Variants in LONRF2 observed in about 807,000 individuals in gnomAD.
The protein encoded by LONRF2 is LON peptidase N-terminal domain and RING finger protein 2.
LONRF2 carries 35 observed loss-of-function variants against 66.6 expected under a neutral mutation model. The observed-to-expected ratio is 0.53, with a 90% CI of 0.40 to 0.70. The LOEUF (loss-of-function observed/expected upper bound fraction) is 0.70, where lower values mean the gene tolerates loss of function less well. Ranked by LOEUF, LONRF2 falls within the 30% of genes least tolerant of loss-of-function variation. LONRF2 has a pLI of 0.00. For missense variants in LONRF2, 902 were observed against 1,002.1 expected, an observed-to-expected ratio of 0.90 and a Z score of 1.35; for synonymous variants, 417 against 418.1, an observed-to-expected ratio of 1.00 and a Z score of 0.03.
chr2:100,313,162 G>A (rs955753081), intron 1 of LONRF2, among the ~76,000 whole-genome samples: 3 of 152,166 alleles, frequency 2.0e-5, no homozygotes, highest in African/African-American at 7.2e-5. Flanking sequence ...TATCAAATGT[G>A]TGCAGTGGTG....
chr2:100,307,082 A>G (rs2105730988), intron 2 of LONRF2, among the ~76,000 whole-genome samples: 1 of 151,830 alleles, frequency 6.6e-6, no homozygotes, highest in South Asian at 2.1e-4. Context: ...CACCATGCCC[A>G]GCTAATTTTT....
At chr2:100,299,638 T>G (rs1675137765) in intron 5 of LONRF2, 79 bp downstream of exon 5, 1 of 1,159,082 alleles carries the variant, frequency 8.6e-7, no homozygotes, top group African/African-American at 1.6e-5. Context: ...TTGTAAAAAT[T>G]TAAAAAATAT....
chr2:100,318,903 G>A (rs373056479), intron 1 of LONRF2, among the ~76,000 whole-genome samples: 464 of 151,260 alleles, frequency 3.1e-3, no homozygotes, highest in African/African-American at 0.01. Flanking sequence ...AGGCTGAGGC[G>A]GGCGGATCAC....
At chr2:100,297,865 T>C (rs186352752) in intron 7 of LONRF2, among the ~76,000 whole-genome samples, 32 of 152,388 alleles carry the variant, frequency 2.1e-4, no homozygotes, top group Non-Finnish European at 2.9e-5. Flanking sequence ...TTGTAACTAG[T>C]TATTTTAATG....
In LONRF2 at chr2:100,284,319, A is replaced by G. The variant is rs138070443; in HGVS notation, c.2244T>C (p.Asn748=). ...AAAATCAATTATTTCTCTCCCTGGC[A>G]TTAGCCAGCTCTTGCCGACTATTCA... is the stretch of plus-strand genomic sequence containing the variant. ...RKMNSRQELA[N]ARERNN is the part of the protein sequence containing the mutation. The change falls in exon 12 of 12, where the codon AAT becomes AAC. Residue 748 remains asparagine (N), a synonymous_variant. Coordinates refer to ENST00000393437, the MANE Select transcript of LONRF2 (RefSeq NM_198461.4). 1.0e-4 allele frequency: 158 copies of G among 1,558,518 alleles called. No homozygotes were observed. Among genetic ancestry groups the G allele is most frequent in the Non-Finnish European group, 1.3e-4 (146 of 1,148,854 alleles).
chr2:100,321,109 C>T (rs1342901182), intron 1 of LONRF2, among the ~76,000 whole-genome samples: 2 of 152,166 alleles, frequency 1.3e-5, no homozygotes, highest in East Asian at 1.9e-4. Context: ...TCATCCTCCC[C>T]GCTCCTCAAC....
At position 100,284,510 on chromosome 2, in the gene LONRF2, G is replaced by A; in HGVS notation, c.2071-18C>T. The stretch of plus-strand genomic sequence containing the variant: ...GGATTACTCTGCAAAAGAGATGAGG[G>A]GAAAGCAAGGTTAACACTGGAAATG... On this transcript the variant is annotated intron_variant, in intron 11 of 11. Coordinates refer to ENST00000393437, the MANE Select transcript of LONRF2 (RefSeq NM_198461.4). The A allele has an allele frequency of 6.6e-7, 1 of 1,525,536 alleles. No individual in the cohort carries two copies. Among genetic ancestry groups the A allele is most frequent in the Non-Finnish European group, 8.8e-7 (1 of 1,134,970 alleles). The allele number at this position is 1,525,536 out of a possible 1,614,324, so 94.5% of individuals were successfully genotyped here. A position where few individuals can be genotyped will look rare whatever the true frequency, so the allele number is the denominator to read the frequency against.
At chr2:100,299,080 A>T in intron 6 of LONRF2, 130 bp from the exon 7 acceptor site, 1 of 869,894 alleles carries the variant, frequency 1.1e-6, no homozygotes, top group South Asian at 1.7e-5. Context: ...CTTTCATTTT[A>T]TATCTTATTA....
intron 11 of LONRF2, 83 bp from the exon 12 acceptor site, chr2:100,284,575 G>T (rs1559174271): frequency 8.5e-7 from 1 of 1,170,940 alleles, no homozygotes; most frequent in East Asian, 2.9e-5. Flanking sequence ...TCCACCAACA[G>T]ACACGTGAGC....
In LONRF2 at chr2:100,283,480, A is replaced by C. The variant is rs1218515872; in HGVS notation, c.*818T>G. 1 of 152,184 alleles carries C rather than the reference A, an allele frequency of 6.6e-6. No individual in the cohort carries two copies. The highest frequency in any genetic ancestry group is 1.9e-4 in the East Asian group (1 of 5,198). The allele number at this position is 152,184 out of a possible 1,614,324, so 9.4% of individuals were successfully genotyped here. On this transcript the variant is annotated 3_prime_UTR_variant, in exon 12 of 12. Coordinates refer to ENST00000393437, the MANE Select transcript of LONRF2 (RefSeq NM_198461.4). Reference sequence around the variant, plus strand: ...AATGCTTAGTAACCACTGATCAATGAGACAAGGTTCTACTTTCAAAGCATT... The same window carrying C: ...AATGCTTAGTAACCACTGATCAATGCGACAAGGTTCTACTTTCAAAGCATT...
Position 100,294,320 on chromosome 2 carries a change from C to T in LONRF2, c.1666G>A (p.Val556Ile), listed in dbSNP as rs776735398. ...ATAAGCCGATAGCGGGGCTCAAAAACGTGGAGTGGACATGGGACCGTGGGG... is the reference window on the plus strand; with the variant it reads ...ATAAGCCGATAGCGGGGCTCAAAAATGTGGAGTGGACATGGGACCGTGGGG... ...AFPTVPCPLH[V>I]FEPRYRLMIR... The change falls in exon 9 of 12, where the codon GTT becomes ATT. Residue 556 changes from valine to isoleucine, a missense_variant. Coordinates refer to ENST00000393437, the MANE Select transcript of LONRF2 (RefSeq NM_198461.4). The T allele has an allele frequency of 1.6e-5, 26 of 1,609,464 alleles. No individual in the cohort carries two copies. Among genetic ancestry groups the T allele is most frequent in the East Asian group, 2.2e-5 (1 of 44,646 alleles).
At position 100,273,685 on chromosome 2, in the gene LONRF2, A is replaced by G. The variant is rs1394383224; in HGVS notation, c.*10613T>C. Reference sequence around the variant, plus strand: ...CACAGGATATGACAACACATCACCTATCTCCAAACAAGAAAAAGCATGATT... The same window carrying G: ...CACAGGATATGACAACACATCACCTGTCTCCAAACAAGAAAAAGCATGATT... On this transcript the variant is annotated 3_prime_UTR_variant, in exon 12 of 12. Transcript: ENST00000393437. 1 of 152,258 alleles carries G rather than the reference A, an allele frequency of 6.6e-6. No individual in the cohort carries two copies. Among genetic ancestry groups the G allele is most frequent in the Non-Finnish European group, 1.5e-5 (1 of 68,044 alleles). The allele number at this position is 152,258 out of a possible 1,614,324, so 9.4% of individuals were successfully genotyped here. A position where few individuals can be genotyped will look rare whatever the true frequency, so the allele number is the denominator to read the frequency against.
rs1175377574 is a variant in LONRF2, at chr2:100,272,713, T to C, written c.*11585A>G. On this transcript the variant is annotated 3_prime_UTR_variant, in exon 12 of 12. Coordinates refer to ENST00000393437, the MANE Select transcript of LONRF2 (RefSeq NM_198461.4). ...ATATATGCTTTCATAGTTAACTCAGTATTTGCAATTCATATTCCTTTTCTT... is the reference window on the plus strand; with the variant it reads ...ATATATGCTTTCATAGTTAACTCAGCATTTGCAATTCATATTCCTTTTCTT... Among the ~76,000 whole-genome samples the C allele has an allele frequency of 2.0e-5, 3 of 152,356 alleles. No homozygotes were observed. The highest frequency in any genetic ancestry group is 7.2e-5 in the African/African-American group (3 of 41,580).
intron 2 of LONRF2, among the ~76,000 whole-genome samples, chr2:100,304,625 GTTT>G (rs3039612): frequency 8.2e-6 from 1 of 122,010 alleles, no homozygotes. Context: ...TTAGTTGACT[GTTT>G]TTTTTTTTTT....
At chr2:100,316,839 T>C (rs1449874490) in intron 1 of LONRF2, among the ~76,000 whole-genome samples, 1 of 152,242 alleles carries the variant, frequency 6.6e-6, no homozygotes, top group Non-Finnish European at 1.5e-5. Context: ...GTTCTCTCCA[T>C]ATGTGTGTGT....
In LONRF2 at chr2:100,306,236, T is replaced by C. The variant is rs182141613; in HGVS notation, c.798+2871A>G. Among the ~76,000 whole-genome samples, 330 of 152,252 alleles carry C rather than the reference T, an allele frequency of 2.2e-3. 1 individual carries two copies. The highest frequency in any genetic ancestry group is 3.3e-3 in the Non-Finnish European group (227 of 68,008). On this transcript the variant is annotated intron_variant, in intron 2 of 11. Transcript: ENST00000393437. Reference sequence around the variant, plus strand: ...GTCAGGAAAAGTACAAAATTAAGAATACAAAGTTGCTAGGGCCCCTTTCAG... The same window carrying C: ...GTCAGGAAAAGTACAAAATTAAGAACACAAAGTTGCTAGGGCCCCTTTCAG...
intron 2 of LONRF2, among the ~76,000 whole-genome samples, chr2:100,308,134 C>T (rs1386388413): frequency 6.6e-6 from 1 of 152,122 alleles, no homozygotes; most frequent in Non-Finnish European, 1.5e-5. Context: ...CTTTGGGAGG[C>T]TGAGGCAGGC....
intron 2 of LONRF2, among the ~76,000 whole-genome samples, chr2:100,304,486 C>G (rs1946802): frequency 6.6e-6 from 1 of 152,110 alleles, no homozygotes; most frequent in Admixed American, 6.5e-5. Context: ...TGAGATTGCT[C>G]TTAAGTCAAA....
In LONRF2 at chr2:100,279,860, A is replaced by C. The variant is rs1230527808; in HGVS notation, c.*4438T>G. On this transcript the variant is annotated 3_prime_UTR_variant, in exon 12 of 12. Coordinates refer to ENST00000393437, the MANE Select transcript of LONRF2 (RefSeq NM_198461.4). Reference sequence around the variant, plus strand: ...CCCTGCCCTTTCCTGCAGAACATACAGTAGAGGGTCTGAGCCACGTTCCTC... The same window carrying C: ...CCCTGCCCTTTCCTGCAGAACATACCGTAGAGGGTCTGAGCCACGTTCCTC... The C allele has an allele frequency of 6.6e-6, 1 of 152,226 alleles. No individual in the cohort carries two copies. The highest frequency in any genetic ancestry group is 1.5e-5 in the Non-Finnish European group (1 of 68,108). The allele number at this position is 152,226 out of a possible 1,614,324, so 9.4% of individuals were successfully genotyped here.
Sources: allele counts gnomAD v4.1 joint callset (sites outside exome capture counted in the v4.1 genomes callset), GRCh38; gene constraint gnomAD v4.1.1; transcripts MANE v1.5; gene names NCBI Gene and HGNC (gene_info 2026-07-23, HGNC 2026-07-21).